Variants in NRXN1 observed in about 807,000 individuals in gnomAD.
The protein encoded by NRXN1 is neurexin 1, also known as neurexin-1.
Under a neutral mutation model 150.9 loss-of-function variants are expected in NRXN1, and 39 were observed. The observed-to-expected ratio is 0.26, with a 90% CI of 0.20 to 0.34. The LOEUF is 0.34. Ranked by LOEUF, NRXN1 falls within the 10% of genes least tolerant of loss-of-function variation. NRXN1 has a pLI of 1.00. For synonymous variants in NRXN1, 924 were observed against 757.0 expected (o/e 1.22, Z -3.62); for missense variants, 1,815 against 1,949.9 (o/e 0.93, Z 1.30).
chr2:50,489,161 T>TTC lies in NRXN1; in HGVS notation c.3070+6742_3070+6743dup, dbSNP rs368825361. 2.0e-3 allele frequency among the ~76,000 whole-genome samples: 305 copies of TTC among 152,320 alleles called. 1 individual carries two copies. Among genetic ancestry groups the TTC allele is most frequent in the African/African-American group, 7.0e-3 (291 of 41,564 alleles). ...GCGTGGAAAAGCTGAAGAAAGCTATTTCTCCCTGTGCACAACCTCCTTGTG... is the reference window on the plus strand; with the variant it reads ...GCGTGGAAAAGCTGAAGAAAGCTATTTCTCTCCCTGTGCACAACCTCCTTGTG... On this transcript the variant is annotated intron_variant, in intron 15 of 22. Coordinates refer to ENST00000401669, the MANE Select transcript of NRXN1 (RefSeq NM_001330078.2).
At chr2:50,194,458 A>G (rs1400702957) in intron 18 of NRXN1, among the ~76,000 whole-genome samples, 1 of 152,118 alleles carries the variant, frequency 6.6e-6, no homozygotes, top group Non-Finnish European at 1.5e-5. Flanking sequence ...TGGACTGCCA[A>G]TTTGCTTTGA....
chr2:50,734,081 G>A (rs1574284079), intron 5 of NRXN1, among the ~76,000 whole-genome samples: 3 of 152,072 alleles, frequency 2.0e-5, no homozygotes, highest in African/African-American at 7.2e-5. Context: ...GACAATTTTG[G>A]TTGTCACAAC....
At chr2:50,635,468 G>A (rs1205329179) in intron 5 of NRXN1, among the ~76,000 whole-genome samples, 5 of 151,744 alleles carry the variant, frequency 3.3e-5, no homozygotes, top group Admixed American at 6.6e-5. Flanking sequence ...CCACTGCGCC[G>A]AGCCAGATTA....
At chr2:50,461,638 G>T (rs1235636077) in intron 17 of NRXN1, among the ~76,000 whole-genome samples, 1 of 151,932 alleles carries the variant, frequency 6.6e-6, no homozygotes, top group Non-Finnish European at 1.5e-5. Context: ...TTTTAGCACA[G>T]AACTGGCACA....
chr2:50,220,353 G>A (rs1485059387), intron 18 of NRXN1, among the ~76,000 whole-genome samples: 2 of 151,854 alleles, frequency 1.3e-5, no homozygotes, highest in Admixed American at 1.3e-4. Flanking sequence ...AAAAGACTAT[G>A]CCGTGAGTCT....
At chr2:50,402,512 G>T (rs942458543) in intron 17 of NRXN1, among the ~76,000 whole-genome samples, 1 of 152,056 alleles carries the variant, frequency 6.6e-6, no homozygotes, top group Non-Finnish European at 1.5e-5. Flanking sequence ...ACGGTAATCA[G>T]CAAGTAAAGC....
At chr2:50,380,105 T>C (rs1191917216) in intron 17 of NRXN1, among the ~76,000 whole-genome samples, 1 of 152,106 alleles carries the variant, frequency 6.6e-6, no homozygotes, top group Non-Finnish European at 1.5e-5. Flanking sequence ...TCCAAGAATA[T>C]ATATTTTTTA....
chr2:49,980,579 A>G (rs1679834151), intron 21 of NRXN1, among the ~76,000 whole-genome samples: 3 of 152,164 alleles, frequency 2.0e-5, no homozygotes, highest in Non-Finnish European at 1.5e-5. Context: ...ATTGAGTTAG[A>G]TAAAGTATGA....
chr2:50,873,498 T>A (rs1678103180), intron 5 of NRXN1, among the ~76,000 whole-genome samples: 1 of 151,840 alleles, frequency 6.6e-6, no homozygotes, highest in African/African-American at 2.4e-5. Flanking sequence ...ATTGAGCTCA[T>A]TTCCAGTCTG....
intron 17 of NRXN1, among the ~76,000 whole-genome samples, chr2:50,324,649 C>T (rs1015021135): frequency 6.6e-6 from 1 of 152,232 alleles, no homozygotes; most frequent in Non-Finnish European, 1.5e-5. Flanking sequence ...TCACGCCATT[C>T]TCCTGCCTCA....
At chr2:50,379,911 T>C (rs191721541) in intron 17 of NRXN1, among the ~76,000 whole-genome samples, 4 of 152,232 alleles carry the variant, frequency 2.6e-5, no homozygotes, top group Non-Finnish European at 1.5e-5. Context: ...CTTTGAGAAA[T>C]AAGATTATGT....
intron 2 of NRXN1, among the ~76,000 whole-genome samples, chr2:51,006,202 T>C (rs1700697653): frequency 6.6e-6 from 1 of 151,716 alleles, no homozygotes; most frequent in Non-Finnish European, 1.5e-5. Context: ...ATTTAAGACC[T>C]ACCTATGCAG....
rs139901070 is a variant in NRXN1 at position 50,687,726 on chromosome 2, C to T, written c.833-64111G>A. Among the ~76,000 whole-genome samples, 249 of 152,270 alleles carry T rather than the reference C, an allele frequency of 1.6e-3. 3 individuals are homozygous for T. The highest frequency in any genetic ancestry group is 5.5e-3 in the African/African-American group (229 of 41,548). On this transcript the variant is annotated intron_variant, in intron 5 of 22. Coordinates refer to ENST00000401669, the MANE Select transcript of NRXN1 (RefSeq NM_001330078.2). ...AATTTAATTTTAGATTGGGCAACCG[C>T]GTTAGGGTTGAGGTTGTTGTGAGAA...
At chr2:51,026,418 T>A in intron 2 of NRXN1, 1 of 1,604,798 alleles carries the variant, frequency 6.2e-7, no homozygotes, top group Non-Finnish European at 8.5e-7. Context: ...TTTTCCTTGG[T>A]CATTGTCATG....
intron 5 of NRXN1, among the ~76,000 whole-genome samples, chr2:50,676,991 G>A (rs1174271712): frequency 6.6e-6 from 1 of 152,052 alleles, no homozygotes; most frequent in Non-Finnish European, 1.5e-5. Context: ...TAAAGTATAT[G>A]GGCATTCACA....
chr2:50,075,731 A>G (rs1696984405), intron 19 of NRXN1, among the ~76,000 whole-genome samples: 1 of 152,206 alleles, frequency 6.6e-6, no homozygotes, highest in Admixed American at 6.5e-5. Flanking sequence ...TAAAAAAGAA[A>G]ACTTTCCTGG....
At chr2:50,880,230 T>C (rs772952645) in intron 5 of NRXN1, among the ~76,000 whole-genome samples, 106 of 151,974 alleles carry the variant, frequency 7.0e-4, no homozygotes, top group Non-Finnish European at 1.5e-3. Flanking sequence ...TATTTAAAAC[T>C]TTATATGTTG....
chr2:50,618,643 C>A (rs753265215), intron 8 of NRXN1, among the ~76,000 whole-genome samples: 3 of 151,892 alleles, frequency 2.0e-5, no homozygotes, highest in Non-Finnish European at 2.9e-5. Context: ...AACTTACCTG[C>A]CTCAAACCTC....
intron 8 of NRXN1, among the ~76,000 whole-genome samples, chr2:50,604,787 C>A (rs1037848678): frequency 6.6e-6 from 1 of 151,762 alleles, no homozygotes; most frequent in Non-Finnish European, 1.5e-5. Flanking sequence ...AATGTAATTA[C>A]AATGAATCTA....
Sources: allele counts gnomAD v4.1 joint callset (sites outside exome capture counted in the v4.1 genomes callset), GRCh38; gene constraint gnomAD v4.1.1; transcripts MANE v1.5; gene names NCBI Gene and HGNC (gene_info 2026-07-23, HGNC 2026-07-21).